The following FAM107A variants were observed in gnomAD, a reference collection of about 807,000 sequenced individuals.
FAM107A encodes actin-associated protein FAM107A.
Under a neutral mutation model 13.7 loss-of-function variants are expected in FAM107A, and 19 were observed. The ratio of observed to expected loss-of-function variants is 1.38; its 90% CI spans 0.97 to 2.03. The LOEUF (loss-of-function observed/expected upper bound fraction) is 2.03. Ranked by LOEUF, FAM107A falls within the 30% of genes most tolerant of loss-of-function variation. FAM107A has a pLI of 0.00. For synonymous variants in FAM107A, 82 were observed against 74.5 expected (o/e 1.10, Z -0.52); for missense variants, 203 against 184.4 (o/e 1.10, Z -0.58).
At chr3:58,603,370 C>T (rs79003079) in intron 1 of FAM107A, among the ~76,000 whole-genome samples, 62 of 152,198 alleles carry the variant, frequency 4.1e-4, no homozygotes, top group African/African-American at 1.4e-3. Context: ...TGGATGCTCA[C>T]CGTGGCCCAA....
chr3:58,580,070 G>A (rs1050696096), upstream of FAM107A, among the ~76,000 whole-genome samples: 4 of 152,034 alleles, frequency 2.6e-5, no homozygotes, highest in African/African-American at 9.7e-5. Context: ...TGAGATCAGC[G>A]GCCAACCACC....
intron 1 of FAM107A, among the ~76,000 whole-genome samples, chr3:58,572,418 A>G (rs936752983): frequency 6.6e-6 from 1 of 152,140 alleles, no homozygotes; most frequent in East Asian, 1.9e-4. Flanking sequence ...TGAGGAGGCG[A>G]CATTAAGATC....
chr3:58,592,214 A>G (rs1236701288), intron 1 of FAM107A, among the ~76,000 whole-genome samples: 4 of 152,212 alleles, frequency 2.6e-5, no homozygotes, highest in Non-Finnish European at 5.9e-5. Context: ...AAATGGACCT[A>G]GTCTAGAGAA....
At chr3:58,597,649 T>A (rs1383791354) in intron 1 of FAM107A, among the ~76,000 whole-genome samples, 1 of 152,248 alleles carries the variant, frequency 6.6e-6, no homozygotes, top group Non-Finnish European at 1.5e-5. Context: ...TTAATAATTG[T>A]AGCAAACAGC....
intron 1 of FAM107A, among the ~76,000 whole-genome samples, chr3:58,584,783 T>A (rs991283606): frequency 6.6e-6 from 1 of 152,192 alleles, no homozygotes; most frequent in Non-Finnish European, 1.5e-5. Context: ...ATCCTCTTCA[T>A]CTACATAGGA....
intron 1 of FAM107A, among the ~76,000 whole-genome samples, chr3:58,624,588 T>C (rs1321216836): frequency 6.6e-6 from 1 of 152,224 alleles, no homozygotes. Flanking sequence ...GAGACAGATC[T>C]GTGGCTCCAA....
chr3:58,602,391 G>T (rs1002437649), intron 1 of FAM107A, among the ~76,000 whole-genome samples: 2 of 152,208 alleles, frequency 1.3e-5, no homozygotes, highest in Non-Finnish European at 2.9e-5. Context: ...CAGGTGTCCT[G>T]CAGGGAAACG....
intron 1 of FAM107A, among the ~76,000 whole-genome samples, chr3:58,606,527 A>C (rs980198695): frequency 6.6e-6 from 1 of 152,212 alleles, no homozygotes; most frequent in Non-Finnish European, 1.5e-5. Flanking sequence ...TAGAATTGAG[A>C]GCTGCCCCTT....
upstream of FAM107A, chr3:58,587,233 C>T (rs1338717611): frequency 9.5e-6 from 6 of 629,330 alleles, no homozygotes; most frequent in Admixed American, 1.4e-4. Context: ...AACACAGTGT[C>T]CTGACTTCCA....
chr3:58,591,884 T>A (rs569883570), upstream of FAM107A, among the ~76,000 whole-genome samples: 2 of 152,180 alleles, frequency 1.3e-5, no homozygotes, highest in South Asian at 4.1e-4. This position sits in a 1 kb window ranked among gnomAD's most constrained non-coding sequence, Gnocchi z 4.3. Flanking sequence ...ATTGAGGGAA[T>A]GAATGAATCA....
chr3:58,622,512 C>G (rs144061231), intron 1 of FAM107A, among the ~76,000 whole-genome samples: 8 of 152,338 alleles, frequency 5.3e-5, no homozygotes, highest in African/African-American at 1.7e-4. Flanking sequence ...CGACAATTGA[C>G]ATTCCCCTTC....
chr3:58,571,722 G>A (rs1465277698), intron 1 of FAM107A, among the ~76,000 whole-genome samples: 1 of 152,180 alleles, frequency 6.6e-6, no homozygotes, highest in African/African-American at 2.4e-5. Context: ...CTATTGTCAA[G>A]TGTCGCCCAT....
intron 1 of FAM107A, among the ~76,000 whole-genome samples, chr3:58,574,996 G>A (rs1318161112): frequency 6.6e-6 from 1 of 152,172 alleles, no homozygotes; most frequent in Non-Finnish European, 1.5e-5. Flanking sequence ...GACAGAAGGA[G>A]AGCTGCACTG....
chr3:58,599,184 C>T (rs547892259), intron 1 of FAM107A, among the ~76,000 whole-genome samples: 70 of 152,230 alleles, frequency 4.6e-4, no homozygotes, highest in East Asian at 2.1e-3. Flanking sequence ...TCAAATCATC[C>T]GCCTGCCTCA....
chr3:58,577,514 T>C, upstream of FAM107A: 1 of 985,362 alleles, frequency 1.0e-6, no homozygotes, highest in Non-Finnish European at 1.2e-6. The surrounding 1 kb of genome is among the most constrained non-coding windows in gnomAD (Gnocchi z 4.9). Context: ...GAACTGTTAC[T>C]ATAGTAACAG....
rs1268348221 is a variant in FAM107A at position 58,613,643 on chromosome 3, C to T, written c.-70+13773G>A. On this transcript the variant is annotated intron_variant, in intron 1 of 3. Transcript: ENST00000465970. The surrounding 1 kb of genome is among the most constrained non-coding windows in gnomAD (Gnocchi z 4.6). The stretch of plus-strand genomic sequence containing the variant: ...CCTGGCTTCTTCCTTCAGGACTCTG[C>T]TTAGATGGCACCTCCTCCAGGAAGC... 1.3e-5 allele frequency among the ~76,000 whole-genome samples: 2 copies of T among 152,178 alleles called. No homozygotes were observed. The highest frequency in any genetic ancestry group is 4.8e-5 in the African/African-American group (2 of 41,440).
chr3:58,610,108 A>G (rs911645467), intron 1 of FAM107A, among the ~76,000 whole-genome samples: 3 of 152,210 alleles, frequency 2.0e-5, no homozygotes, highest in African/African-American at 7.2e-5. Flanking sequence ...CGTGCAGGAT[A>G]GAAATGACAA....
At chr3:58,626,936 A>C (rs983344704) in intron 1 of FAM107A, 1 of 1,534,836 alleles carries the variant, frequency 6.5e-7, no homozygotes, top group Admixed American at 2.0e-5. Context: ...CCTTCCCATG[A>C]CCAGGGCCCC....
intron 1 of FAM107A, chr3:58,627,000 G>C (rs1289485542): frequency 1.3e-6 from 2 of 1,536,068 alleles, no homozygotes; most frequent in Non-Finnish European, 1.7e-6. Flanking sequence ...CCCATGGCAC[G>C]AAGTGGGCAC....
Sources: gnomAD v4.1 joint callset for allele counts (sites outside exome capture counted in the v4.1 genomes callset) on GRCh38, gnomAD v4.1.1 for gene constraint, Gnocchi (gnomAD v3.1) non-coding constraint, MANE v1.5 for transcripts, NCBI Gene and HGNC (gene_info 2026-07-23, HGNC 2026-07-21) for gene names.